The following EPB41L3 variants were observed in gnomAD, a reference collection of about 807,000 sequenced individuals.
The protein encoded by EPB41L3 is band 4.1-like protein 3.
Under a neutral mutation model 127.1 loss-of-function variants are expected in EPB41L3, and 57 were observed. The ratio of observed to expected loss-of-function variants is 0.45; its 90% CI spans 0.36 to 0.56. EPB41L3 has a LOEUF of 0.56. Ranked by LOEUF, EPB41L3 falls within the 20% of genes least tolerant of loss-of-function variation. EPB41L3 has a pLI of 0.00. For missense variants in EPB41L3, 1,273 were observed against 1,372.2 expected, an observed-to-expected ratio of 0.93 and a Z score of 1.14; for synonymous variants, 572 against 549.5, an observed-to-expected ratio of 1.04 and a Z score of -0.57.
chr18:5,547,823 G>A (rs1257958455), upstream of EPB41L3, among the ~76,000 whole-genome samples: 1 of 152,160 alleles, frequency 6.6e-6, no homozygotes, highest in Non-Finnish European at 1.5e-5. Flanking sequence ...ATTCCAACCT[G>A]ATAGCCAAGA....
At chr18:5,403,724 T>A (rs2074904800) in intron 16 of EPB41L3, among the ~76,000 whole-genome samples, 2 of 152,018 alleles carry the variant, frequency 1.3e-5, no homozygotes, top group Non-Finnish European at 2.9e-5. Context: ...AAAAATTGAG[T>A]TAAATATTTC....
intron 3 of EPB41L3, among the ~76,000 whole-genome samples, chr18:5,557,439 A>G (rs2094054767): frequency 6.6e-6 from 1 of 152,114 alleles, no homozygotes; most frequent in African/African-American, 2.4e-5. Context: ...ACTGGAGTGC[A>G]GTGGCACAAT....
chr18:5,562,095 A>G (rs1348146167), intron 3 of EPB41L3, among the ~76,000 whole-genome samples: 1 of 152,160 alleles, frequency 6.6e-6, no homozygotes, highest in African/African-American at 2.4e-5. Context: ...TGGAACAGAA[A>G]AAGGACATCA....
intron 2 of EPB41L3, chr18:5,488,746 A>T (rs2090205590): frequency 2.3e-6 from 1 of 435,544 alleles, no homozygotes; most frequent in Admixed American, 4.4e-5. Flanking sequence ...CTAAATCCAG[A>T]TAGGACCAAT....
intron 3 of EPB41L3, among the ~76,000 whole-genome samples, chr18:5,462,961 A>G (rs1298133158): frequency 6.6e-6 from 1 of 152,202 alleles, no homozygotes; most frequent in Non-Finnish European, 1.5e-5. Flanking sequence ...ATCCATTGGT[A>G]GTACAACTCT....
chr18:5,512,730 G>A (rs1044705004), intron 1 of EPB41L3, among the ~76,000 whole-genome samples: 1 of 152,128 alleles, frequency 6.6e-6, no homozygotes, highest in Non-Finnish European at 1.5e-5. Context: ...TTGGAAGGCA[G>A]GGAGGATGGG....
chr18:5,508,730 G>A (rs1052676685), intron 1 of EPB41L3, among the ~76,000 whole-genome samples: 19 of 134,476 alleles, frequency 1.4e-4, no homozygotes, highest in African/African-American at 1.7e-4. Flanking sequence ...TAGCACCACT[G>A]CACTCCAGCC....
In EPB41L3 at chr18:5,428,408, G is replaced by A. The variant is rs2078529687; in HGVS notation, c.970C>T (p.Arg324Cys). The change falls in exon 9 of 23, where the codon CGC (arginine) becomes TGC (cysteine). Residue 324 changes from arginine (R) to cysteine (C), a missense_variant. Arg to Cys is a radical substitution (Grantham distance 180, BLOSUM62 -3). This residue lies in a region of EPB41L3 where 326 missense variants were observed against 440.2 expected (regional missense o/e 0.74). Coordinates refer to ENST00000341928, the MANE Select transcript of EPB41L3 (RefSeq NM_012307.5). The part of the protein sequence containing the change: ...GVCASGLLIY[R>C]DRLRINRFAW... ...AATCTGTTTATTCGCAGCCGGTCGC[G>A]ATATATCAACAGACCACTTGCACAA... 4 of 1,614,146 alleles carry A rather than the reference G, an allele frequency of 2.5e-6. No homozygotes were observed. The highest frequency in any genetic ancestry group is 3.4e-6 in the Non-Finnish European group (4 of 1,180,018).
intron 1 of EPB41L3, among the ~76,000 whole-genome samples, chr18:5,504,256 G>A (rs1188577654): frequency 2.0e-5 from 3 of 152,130 alleles, no homozygotes; most frequent in Non-Finnish European, 4.4e-5. Flanking sequence ...CTCACCCTGA[G>A]TTGGGGTCTT....
rs912581175 is a variant in EPB41L3, at chr18:5,485,027, T to TACAACAC, written c.183+3967_183+3973dup. ...CTCTGATACCAAAAGCAGACAAAGA[T>TACAACAC]ACAACACAAACAAAACCTACAGGCC... On this transcript the variant is annotated intron_variant, in intron 2 of 22. Coordinates refer to ENST00000341928, the MANE Select transcript of EPB41L3 (RefSeq NM_012307.5). Among the ~76,000 whole-genome samples the TACAACAC allele has an allele frequency of 1.8e-4, 27 of 151,596 alleles. No homozygotes were observed. In the East Asian group the frequency reaches 2.3e-3, roughly 13 times the overall value.
chr18:5,488,099 T>C lies in EPB41L3; in HGVS notation c.183+902A>G, dbSNP rs74532769. Among the ~76,000 whole-genome samples, 1,400 of 152,256 alleles carry C rather than the reference T, an allele frequency of 9.2e-3. 18 individuals are homozygous for C. Among genetic ancestry groups the C allele is most frequent in the African/African-American group, 0.03 (1,262 of 41,530 alleles). On this transcript the variant is annotated intron_variant, in intron 2 of 22. Coordinates refer to ENST00000341928, the MANE Select transcript of EPB41L3 (RefSeq NM_012307.5). Reference sequence around the variant, plus strand: ...TATTCAAGGCCCACATGTAAAACCATACTTTAAAACTTTTAAAAGTAATGC... The same window carrying C: ...TATTCAAGGCCCACATGTAAAACCACACTTTAAAACTTTTAAAAGTAATGC...
chr18:5,566,747 C>CTATTCTATTT (rs2094206860), intron 3 of EPB41L3, among the ~76,000 whole-genome samples: 1 of 133,554 alleles, frequency 7.5e-6, no homozygotes, highest in African/African-American at 2.8e-5. Context: ...CTATTCTATT[C>CTATTCTATTT]TATTCTATTC....
intron 3 of EPB41L3, among the ~76,000 whole-genome samples, chr18:5,578,057 G>C (rs1340205046): frequency 1.3e-5 from 2 of 152,112 alleles, no homozygotes; most frequent in Non-Finnish European, 2.9e-5. Flanking sequence ...TAAGCAAAGA[G>C]GGCCAGTTCC....
chr18:5,621,851 A>T (rs9952759), intron 1 of EPB41L3, among the ~76,000 whole-genome samples: 55,268 of 152,112 alleles, frequency 0.36, 10,560 homozygotes, highest in African/African-American at 0.47. Context: ...CACTTCAAGA[A>T]TAAAAAGTAT....
intron 3 of EPB41L3, among the ~76,000 whole-genome samples, chr18:5,472,429 G>A (rs1473041499): frequency 6.6e-6 from 1 of 152,162 alleles, no homozygotes; most frequent in Non-Finnish European, 1.5e-5. Flanking sequence ...AGCACGCGAT[G>A]GATGGTTTGA....
At chr18:5,518,027 T>C (rs982035788) in intron 1 of EPB41L3, among the ~76,000 whole-genome samples, 1 of 152,150 alleles carries the variant, frequency 6.6e-6, no homozygotes, top group Admixed American at 6.5e-5. Flanking sequence ...GATGACATAA[T>C]GGGCTCCTAA....
intron 3 of EPB41L3, among the ~76,000 whole-genome samples, chr18:5,465,561 T>G (rs1267114217): frequency 6.6e-6 from 1 of 152,170 alleles, no homozygotes; most frequent in Non-Finnish European, 1.5e-5. Context: ...GAAGGGAATA[T>G]ATGTTTTATG....
At chr18:5,476,954 A>C (rs1349836461) in intron 3 of EPB41L3, among the ~76,000 whole-genome samples, 2 of 152,188 alleles carry the variant, frequency 1.3e-5, no homozygotes, top group Non-Finnish European at 2.9e-5. Context: ...TGGATGACTA[A>C]ATTTTCTATA....
intron 3 of EPB41L3, among the ~76,000 whole-genome samples, chr18:5,476,817 T>A (rs1295598150): frequency 3.3e-5 from 5 of 152,172 alleles, no homozygotes; most frequent in African/African-American, 1.2e-4. Context: ...AATTCAGATC[T>A]AGATGAGTAA....
Sources: allele counts gnomAD v4.1 joint callset (sites outside exome capture counted in the v4.1 genomes callset), GRCh38; gene constraint gnomAD v4.1.1; regional missense constraint gnomAD v4.1.1; transcripts MANE v1.5; gene names NCBI Gene and HGNC (gene_info 2026-07-23, HGNC 2026-07-21).